The following WHRN variants were observed in gnomAD, a reference collection of about 807,000 sequenced individuals.
The protein encoded by WHRN is CASK-interacting protein CIP98.
A neutral mutation model predicts 68.3 loss-of-function variants in WHRN; 41 were observed. That is an observed-to-expected ratio of 0.60 (90% CI 0.47 to 0.78). WHRN has a LOEUF of 0.78. Ranked by LOEUF, WHRN falls within the 30% of genes least tolerant of loss-of-function variation. The pLI, the probability that WHRN is intolerant of heterozygous loss-of-function variation, is 0.00. For missense variants in WHRN, 1,243 were observed against 1,244.7 expected (o/e 1.00, Z 0.02); for synonymous variants, 560 against 561.3 (o/e 1.00, Z 0.03).
chr9:114,402,525 C>T lies in WHRN; in HGVS notation c.*229G>A. On this transcript the variant is annotated 3_prime_UTR_variant, in exon 12 of 12. Transcript: ENST00000362057. ...TCTTGCAACCCACTTGTCCTGGGCGCCTACTGTGTACCCAGTACAGCACCA... is the reference window on the plus strand; with the variant it reads ...TCTTGCAACCCACTTGTCCTGGGCGTCTACTGTGTACCCAGTACAGCACCA... The T allele has an allele frequency of 1.7e-6, 1 of 598,020 alleles. No individual in the cohort carries two copies. Among genetic ancestry groups the T allele is most frequent in the South Asian group, 2.0e-5 (1 of 51,028 alleles). 37.0% of individuals were successfully genotyped at this position (598,020 alleles called of 1,614,324 possible). A position where few individuals can be genotyped will look rare whatever the true frequency, so the allele number is the denominator to read the frequency against.
rs185853015 is a variant in WHRN, at chr9:114,447,664, A to G, written c.963+18603T>C. On this transcript the variant is annotated intron_variant, in intron 3 of 11. Transcript: ENST00000362057. Reference sequence around the variant, plus strand: ...TGTCCTCCACTAAAACTCATGCAGTATTAAGAGATGGGACCCTTAAAAGGT... The same window carrying G: ...TGTCCTCCACTAAAACTCATGCAGTGTTAAGAGATGGGACCCTTAAAAGGT... Among the ~76,000 whole-genome samples the G allele has an allele frequency of 6.2e-4, 94 of 152,316 alleles. 3 individuals are homozygous for G. Among genetic ancestry groups the G allele is most frequent in the African/African-American group, 2.1e-3 (89 of 41,562 alleles).
chr9:114,429,692 C>T (rs1837234118), intron 3 of WHRN, among the ~76,000 whole-genome samples: 1 of 152,208 alleles, frequency 6.6e-6, no homozygotes, highest in Non-Finnish European at 1.5e-5. Flanking sequence ...TCAGCAAGCA[C>T]TCAATCAGTG....
Position 114,504,329 on chromosome 9 carries a change from C to G in WHRN, c.473G>C (p.Gly158Ala), listed in dbSNP as rs1228293768. Residue 158 changes from glycine to alanine, a missense_variant, in exon 1 of 12, where the codon GGG (glycine) becomes GCG (alanine). Gly to Ala is a moderately conservative substitution (Grantham distance 60, BLOSUM62 0). Transcript: ENST00000362057. ...GATGCCCACGCCGTGCTCCGAGCCC[C>G]CACGGATGCTGAAGCCCAAGCCCTC... ...AHEGLGFSIRGGSEHGVGIYV... is the reference protein window; with the variant it reads ...AHEGLGFSIRAGSEHGVGIYV... The G allele has an allele frequency of 1.9e-6, 3 of 1,611,048 alleles. No individual in the cohort carries two copies. The South Asian group carries it at 3.3e-5, about 18-fold the overall frequency.
At position 114,406,858 on chromosome 9, in the gene WHRN, C is replaced by T; in HGVS notation, c.1733G>A (p.Ser578Asn). The part of the protein sequence containing the change: ...DVRSTSQGLS[S>N]FKPLPRPPPL... ...TGGTGGGCGAGGCAGTGGCTTGAAGCTTGACAGCCCCTGGGAGGTGGATCT... is the reference window on the plus strand; with the variant it reads ...TGGTGGGCGAGGCAGTGGCTTGAAGTTTGACAGCCCCTGGGAGGTGGATCT... The change falls in exon 9 of 12, where the codon AGC becomes AAC. Residue 578 changes from serine to asparagine, a missense_variant. Coordinates refer to ENST00000362057, the MANE Select transcript of WHRN (RefSeq NM_015404.4). The T allele has an allele frequency of 1.3e-6, 2 of 1,592,914 alleles. No individual in the cohort carries two copies. The highest frequency in any genetic ancestry group is 2.3e-5 in the East Asian group (1 of 43,668).
chr9:114,494,984 G>A (rs1843328236), intron 1 of WHRN, among the ~76,000 whole-genome samples: 1 of 152,210 alleles, frequency 6.6e-6, no homozygotes, highest in Admixed American at 6.5e-5. Flanking sequence ...GGGGACAGCG[G>A]CAGAGGTGAG....
intron 3 of WHRN, among the ~76,000 whole-genome samples, chr9:114,434,338 A>G (rs1398306278): frequency 6.6e-6 from 1 of 152,170 alleles, no homozygotes. Context: ...CTATTCTGAG[A>G]CCCAGACCTG....
At chr9:114,402,977 AG>A (rs1363790433) in intron 11 of WHRN, 41 bp from the exon 12 acceptor site, 4 of 1,586,396 alleles carry the variant, frequency 2.5e-6, no homozygotes, top group Non-Finnish European at 3.4e-6. Flanking sequence ...CCCAAGGGTT[AG>A]ACAGGCCTGG....
At chr9:114,450,445 G>A (rs1839221450) in intron 3 of WHRN, among the ~76,000 whole-genome samples, 1 of 152,178 alleles carries the variant, frequency 6.6e-6, no homozygotes, top group Non-Finnish European at 1.5e-5. Context: ...CTGGGTGTTA[G>A]AGGACAGAGC....
intron 1 of WHRN, among the ~76,000 whole-genome samples, chr9:114,486,349 C>G (rs960798247): frequency 1.3e-5 from 2 of 152,234 alleles, no homozygotes; most frequent in African/African-American, 2.4e-5. Flanking sequence ...GAGCATCCAG[C>G]ACACTTCTGT....
rs1834758281 is a variant in WHRN at position 114,402,628 on chromosome 9, G to C, written c.*126C>G. 5 of 1,191,752 alleles carry C rather than the reference G, an allele frequency of 4.2e-6. No homozygotes were observed. The highest frequency in any genetic ancestry group is 3.7e-5 in the South Asian group (3 of 81,722). The allele number at this position is 1,191,752 out of a possible 1,614,324, so 73.8% of individuals were successfully genotyped here. On this transcript the variant is annotated 3_prime_UTR_variant, in exon 12 of 12. Transcript: ENST00000362057. The stretch of plus-strand genomic sequence containing the variant: ...TCTGGTCCAGTGGGCTGGGATGGAG[G>C]GGGGATGTCTTCCTGCCACCCTGGC...
intron 3 of WHRN, among the ~76,000 whole-genome samples, chr9:114,434,987 A>C (rs995570961): frequency 6.6e-6 from 1 of 152,132 alleles, no homozygotes; most frequent in Non-Finnish European, 1.5e-5. Flanking sequence ...CAGACCTTGG[A>C]GACCAGACCA....
At chr9:114,486,799 C>T (rs1226715424) in intron 1 of WHRN, among the ~76,000 whole-genome samples, 1 of 140,256 alleles carries the variant, frequency 7.1e-6, no homozygotes. Context: ...CCAATCTGTG[C>T]CCCAGCTTCC....
At chr9:114,485,709 A>ATT (rs1842425139) in intron 1 of WHRN, among the ~76,000 whole-genome samples, 2 of 151,446 alleles carry the variant, frequency 1.3e-5, no homozygotes, top group African/African-American at 4.9e-5. Flanking sequence ...ATAAGTATAT[A>ATT]AATATCAATT....
intron 3 of WHRN, among the ~76,000 whole-genome samples, chr9:114,438,229 A>G (rs1838038076): frequency 6.6e-6 from 1 of 152,006 alleles, no homozygotes; most frequent in Non-Finnish European, 1.5e-5. Flanking sequence ...AGTGAGACAG[A>G]TTGGGTGCTG....
intron 2 of WHRN, among the ~76,000 whole-genome samples, chr9:114,472,554 T>G (rs1464197570): frequency 6.6e-6 from 1 of 152,134 alleles, no homozygotes; most frequent in East Asian, 1.9e-4. Context: ...GCCCTTTCCT[T>G]GCTTGGTTCT....
intron 1 of WHRN, among the ~76,000 whole-genome samples, chr9:114,501,633 C>T (rs1159834351): frequency 6.6e-6 from 1 of 151,816 alleles, no homozygotes; most frequent in African/African-American, 2.4e-5. Flanking sequence ...TCCCCCTCAC[C>T]CCACCTTCCA....
intron 7 of WHRN, among the ~76,000 whole-genome samples, chr9:114,411,094 A>T (rs932073683): frequency 6.6e-6 from 1 of 152,212 alleles, no homozygotes; most frequent in African/African-American, 2.4e-5. Context: ...TGTTACGTGC[A>T]TTGGGAGACT....
Position 114,466,442 on chromosome 9 carries a change from C to G in WHRN, c.838-50G>C, listed in dbSNP as rs767435379. On this transcript the variant is annotated intron_variant, in intron 2 of 11. Transcript: ENST00000362057. Reference sequence around the variant, plus strand: ...AGAGGGACTGGAGGAGCCATCCCTTCCGGGGACAGCAGGCTGCAAAGCCCC... The same window carrying G: ...AGAGGGACTGGAGGAGCCATCCCTTGCGGGGACAGCAGGCTGCAAAGCCCC... The G allele has an allele frequency of 7.4e-6, 12 of 1,611,242 alleles. No individual in the cohort carries two copies. The African/African-American group carries it at 1.5e-4, about 20-fold the overall frequency.
chr9:114,487,092 G>A (rs1842613267), intron 1 of WHRN, among the ~76,000 whole-genome samples: 2 of 146,178 alleles, frequency 1.4e-5, no homozygotes, highest in Non-Finnish European at 3.0e-5. Flanking sequence ...AGATAACAGA[G>A]GTATTATCTC....
Sources: allele counts gnomAD v4.1 joint callset (sites outside exome capture counted in the v4.1 genomes callset), GRCh38; gene constraint gnomAD v4.1.1; transcripts MANE v1.5; gene names NCBI Gene and HGNC (gene_info 2026-07-23, HGNC 2026-07-21).